Variants in ESRRG observed in about 807,000 individuals in gnomAD.
ESRRG encodes the protein estrogen related receptor gamma, also known as estrogen-related receptor gamma.
Under a neutral mutation model 44.0 loss-of-function variants are expected in ESRRG, and 13 were observed. That is an observed-to-expected ratio of 0.30 (90% CI 0.19 to 0.47). ESRRG has a LOEUF of 0.47. Ranked by LOEUF, ESRRG falls within the 20% of genes least tolerant of loss-of-function variation. The pLI is 1.00. For synonymous variants in ESRRG, 215 were observed against 214.6 expected (o/e 1.00, Z -0.02); for missense variants, 395 against 580.6 (o/e 0.68, Z 3.29).
At chr1:217,101,310 A>C (rs998653952) in intron 1 of ESRRG, among the ~76,000 whole-genome samples, 1 of 152,158 alleles carries the variant, frequency 6.6e-6, no homozygotes, top group African/African-American at 2.4e-5. Context: ...AAATGTAGCT[A>C]ATACCTCCTA....
At chr1:217,107,426 G>A (rs1306598696) in intron 1 of ESRRG, among the ~76,000 whole-genome samples, 1 of 152,184 alleles carries the variant, frequency 6.6e-6, no homozygotes, top group Non-Finnish European at 1.5e-5. Context: ...CCCTGATAGA[G>A]TCCTGTGTGA....
intron 2 of ESRRG, among the ~76,000 whole-genome samples, chr1:216,896,093 CAT>C (rs2058382558): frequency 6.6e-6 from 1 of 152,112 alleles, no homozygotes; most frequent in African/African-American, 2.4e-5. Context: ...CGACAAATGA[CAT>C]ATACACAAAT....
intron 2 of ESRRG, among the ~76,000 whole-genome samples, chr1:216,847,970 G>A (rs1398156645): frequency 6.6e-6 from 1 of 152,122 alleles, no homozygotes; most frequent in Non-Finnish European, 1.5e-5. Context: ...ATAGGACAGC[G>A]TTTCTCGACC....
intron 1 of ESRRG, among the ~76,000 whole-genome samples, chr1:216,688,635 G>A (rs1305753588): frequency 6.6e-6 from 1 of 152,096 alleles, no homozygotes; most frequent in African/African-American, 2.4e-5. Context: ...CCATTAAAAT[G>A]TATTCCTGGT....
chr1:217,068,685 T>G (rs1470079333), intron 1 of ESRRG, among the ~76,000 whole-genome samples: 3 of 152,196 alleles, frequency 2.0e-5, no homozygotes, highest in Non-Finnish European at 1.5e-5. Context: ...GGGAGTCGTT[T>G]TGCATGTTAT....
At chr1:217,067,064 T>C (rs1240184776) in intron 1 of ESRRG, among the ~76,000 whole-genome samples, 2 of 152,232 alleles carry the variant, frequency 1.3e-5, no homozygotes, top group East Asian at 3.8e-4. Context: ...CAAAATAGTC[T>C]AAACTTGTTC....
chr1:216,758,113 C>G (rs544499643), intron 2 of ESRRG, among the ~76,000 whole-genome samples: 1 of 152,170 alleles, frequency 6.6e-6, no homozygotes, highest in African/African-American at 2.4e-5. Context: ...TCCTGCCATA[C>G]CTCCTCCTCC....
At chr1:216,906,788 G>T (rs907344724) in intron 2 of ESRRG, among the ~76,000 whole-genome samples, 1 of 152,074 alleles carries the variant, frequency 6.6e-6, no homozygotes, top group African/African-American at 2.4e-5. Flanking sequence ...ATAGAACTTC[G>T]CTTTCTCTTT....
At chr1:216,548,233 G>A (rs1462436377) in intron 5 of ESRRG, among the ~76,000 whole-genome samples, 1 of 152,030 alleles carries the variant, frequency 6.6e-6, no homozygotes, top group Admixed American at 6.6e-5. Context: ...TGTATGGCAT[G>A]CAAGGTGAAT....
chr1:217,074,779 C>T (rs1363654550), intron 1 of ESRRG, among the ~76,000 whole-genome samples: 1 of 152,108 alleles, frequency 6.6e-6, no homozygotes, highest in African/African-American at 2.4e-5. Flanking sequence ...TCTCAAAAAA[C>T]ATACTTTTTA....
intron 2 of ESRRG, among the ~76,000 whole-genome samples, chr1:216,796,404 GCAA>G (rs1164849769): frequency 1.3e-5 from 2 of 152,084 alleles, no homozygotes; most frequent in African/African-American, 2.4e-5. Context: ...GCCCTCAATA[GCAA>G]CAACAACAAT....
intron 2 of ESRRG, among the ~76,000 whole-genome samples, chr1:216,779,369 T>G (rs1244955318): frequency 2.7e-5 from 2 of 75,458 alleles, no homozygotes; most frequent in African/African-American, 9.9e-5. Flanking sequence ...TATTTATTTA[T>G]AAAAATATGT....
intron 2 of ESRRG, among the ~76,000 whole-genome samples, chr1:216,797,842 C>G (rs1576657942): frequency 6.6e-6 from 1 of 152,230 alleles, no homozygotes; most frequent in Non-Finnish European, 1.5e-5. Context: ...CTTTTCCACC[C>G]CTTATTTTAT....
In ESRRG at chr1:216,506,700, T is replaced by G; in HGVS notation, c.*239A>C. 1 of 594,948 alleles carries G rather than the reference T, an allele frequency of 1.7e-6. No individual in the cohort carries two copies. Among genetic ancestry groups the G allele is most frequent in the Non-Finnish European group, 3.0e-6 (1 of 330,656 alleles). The allele number at this position is 594,948 out of a possible 1,614,324, so 36.9% of individuals were successfully genotyped here. A position where few individuals can be genotyped will look rare whatever the true frequency, so the allele number is the denominator to read the frequency against. On this transcript the variant is annotated 3_prime_UTR_variant, in exon 7 of 7. Coordinates refer to ENST00000408911, the MANE Select transcript of ESRRG (RefSeq NM_001438.4). ...GGTGAAAGAAGAAAAGGAGAAAAAA[T>G]AAAGAGAAAGAGAAATGTGGGAAGA...
intron 1 of ESRRG, among the ~76,000 whole-genome samples, chr1:217,060,226 T>C (rs1396676446): frequency 6.6e-6 from 1 of 152,066 alleles, no homozygotes; most frequent in Non-Finnish European, 1.5e-5. Flanking sequence ...ATTACAAAAA[T>C]ATATATATTT....
At chr1:216,761,423 A>T (rs1490134678) in intron 2 of ESRRG, among the ~76,000 whole-genome samples, 1 of 152,096 alleles carries the variant, frequency 6.6e-6, no homozygotes, top group East Asian at 1.9e-4. Context: ...CTTACAGGTA[A>T]TCTTATATCT....
chr1:216,955,901 T>C (rs2067861873), intron 1 of ESRRG, among the ~76,000 whole-genome samples: 1 of 152,178 alleles, frequency 6.6e-6, no homozygotes, highest in African/African-American at 2.4e-5. Context: ...ATTATTTGTT[T>C]TGCTTTGTTT....
chr1:216,700,274 C>A (rs2081137533), intron 1 of ESRRG, among the ~76,000 whole-genome samples: 1 of 152,144 alleles, frequency 6.6e-6, no homozygotes, highest in South Asian at 2.1e-4. Flanking sequence ...TTTTAAAAAA[C>A]TTCATTTTCC....
At chr1:216,870,447 C>G (rs185587123) in intron 2 of ESRRG, among the ~76,000 whole-genome samples, 1 of 151,910 alleles carries the variant, frequency 6.6e-6, no homozygotes, top group East Asian at 1.9e-4. Context: ...ATTTCTCTCT[C>G]TCGTCTGTTT....
Sources: gnomAD v4.1 joint callset for allele counts (sites outside exome capture counted in the v4.1 genomes callset) on GRCh38, gnomAD v4.1.1 for gene constraint, MANE v1.5 for transcripts, NCBI Gene and HGNC (gene_info 2026-07-23, HGNC 2026-07-21) for gene names.